The following BFSP2 variants were observed in gnomAD, a reference collection of about 807,000 sequenced individuals.
The protein encoded by BFSP2 is phakinin.
Under a neutral mutation model 44.9 loss-of-function variants are expected in BFSP2, and 38 were observed. The ratio of observed to expected loss-of-function variants is 0.85; its 90% CI spans 0.65 to 1.11. The LOEUF (loss-of-function observed/expected upper bound fraction) is 1.11, where lower values mean the gene tolerates loss of function less well. BFSP2 is among the 50% of genes least tolerant of loss of function. The pLI, the probability that BFSP2 is intolerant of heterozygous loss-of-function variation, is 0.00. For synonymous variants in BFSP2, 197 were observed against 209.9 expected (o/e 0.94, Z 0.53); for missense variants, 525 against 533.0 (o/e 0.99, Z 0.15).
rs186649191 is a variant in BFSP2, at chr3:133,457,886, G to C, written c.891+7422G>C. Among the ~76,000 whole-genome samples, 24 of 152,336 alleles carry C rather than the reference G, an allele frequency of 1.6e-4. No individual in the cohort carries two copies. In the East Asian group the frequency reaches 4.4e-3, roughly 28 times the overall value. On this transcript the variant is annotated intron_variant, in intron 4 of 6. Transcript: ENST00000302334. ...AGATGCCCCAGAATTTGTTTAGCCT[G>C]TTCCCTACTGCTGGGCACTGAGGGT... is the stretch of plus-strand genomic sequence containing the variant.
At chr3:133,425,108 GTC>G (rs2073631747) in intron 1 of BFSP2, among the ~76,000 whole-genome samples, 1 of 152,200 alleles carries the variant, frequency 6.6e-6, no homozygotes, top group African/African-American at 2.4e-5. Flanking sequence ...CTCACCAGCA[GTC>G]TCTCAGTATG....
At chr3:133,418,517 C>A (rs1447603293) in intron 1 of BFSP2, among the ~76,000 whole-genome samples, 3 of 152,174 alleles carry the variant, frequency 2.0e-5, no homozygotes, top group Non-Finnish European at 2.9e-5. Flanking sequence ...GCGCTCATGG[C>A]AGCATCCAGC....
At chr3:133,470,129 ATTAG>A (rs780362268) in intron 5 of BFSP2, among the ~76,000 whole-genome samples, 2 of 152,226 alleles carry the variant, frequency 1.3e-5, no homozygotes, top group Non-Finnish European at 2.9e-5. Context: ...TCCAGATTCT[ATTAG>A]TTAAATAATA....
intron 1 of BFSP2, among the ~76,000 whole-genome samples, chr3:133,403,067 C>T (rs1379157103): frequency 6.6e-6 from 1 of 152,168 alleles, no homozygotes; most frequent in Non-Finnish European, 1.5e-5. Flanking sequence ...TGAATCTGGC[C>T]TCGTGGAGCT....
At chr3:133,420,212 G>C (rs1036840699) in intron 1 of BFSP2, among the ~76,000 whole-genome samples, 94 of 152,312 alleles carry the variant, frequency 6.2e-4, no homozygotes, top group African/African-American at 2.1e-3. Context: ...AGTTGGGAGG[G>C]GCTTGTTATG....
At chr3:133,458,657 C>G (rs956346657) in intron 4 of BFSP2, among the ~76,000 whole-genome samples, 1 of 152,190 alleles carries the variant, frequency 6.6e-6, no homozygotes, top group Non-Finnish European at 1.5e-5. Context: ...GAACACTCCA[C>G]TGCACTCCAG....
intron 1 of BFSP2, among the ~76,000 whole-genome samples, chr3:133,420,804 C>T (rs766485519): frequency 1.3e-5 from 2 of 152,174 alleles, no homozygotes; most frequent in Non-Finnish European, 2.9e-5. Context: ...CCACTCTGTG[C>T]CTCTCACGTG....
intron 4 of BFSP2, among the ~76,000 whole-genome samples, chr3:133,461,479 C>G (rs998198707): frequency 1.3e-5 from 2 of 152,100 alleles, no homozygotes; most frequent in Admixed American, 1.3e-4. Context: ...CATCACACAC[C>G]CTAACAACTG....
intron 1 of BFSP2, among the ~76,000 whole-genome samples, chr3:133,425,839 A>G (rs1311847972): frequency 1.4e-5 from 2 of 138,750 alleles, no homozygotes; most frequent in Non-Finnish European, 3.1e-5. Context: ...GGGAAGGGAA[A>G]TAAAGAAGGG....
intron 4 of BFSP2, among the ~76,000 whole-genome samples, chr3:133,459,214 C>T (rs1232905656): frequency 3.3e-5 from 5 of 152,058 alleles, no homozygotes; most frequent in East Asian, 3.9e-4. Context: ...TGTAGAAGCA[C>T]GCAACTGTAG....
chr3:133,410,701 G>A (rs762104903), intron 1 of BFSP2: 10 of 252,372 alleles, frequency 4.0e-5, no homozygotes, highest in Non-Finnish European at 7.4e-5. Context: ...GAGTCCGTGG[G>A]CGGACAGGAG....
intron 1 of BFSP2, among the ~76,000 whole-genome samples, chr3:133,402,153 TG>T (rs1409305566): frequency 6.6e-6 from 1 of 152,234 alleles, no homozygotes; most frequent in East Asian, 1.9e-4. Context: ...CAGCATCTGC[TG>T]GACAATCGCT....
chr3:133,403,921 T>C (rs937460237), intron 1 of BFSP2, among the ~76,000 whole-genome samples: 6 of 151,994 alleles, frequency 3.9e-5, no homozygotes, highest in Non-Finnish European at 8.8e-5. Context: ...AGTCACATCA[T>C]GGAAAGCAAC....
intron 1 of BFSP2, among the ~76,000 whole-genome samples, chr3:133,401,735 T>C (rs1468802295): frequency 6.6e-6 from 1 of 152,172 alleles, no homozygotes; most frequent in African/African-American, 2.4e-5. Flanking sequence ...GACTGCCAAC[T>C]CAGACCCTTG....
At chr3:133,450,882 C>T (rs2073957286) in intron 4 of BFSP2, among the ~76,000 whole-genome samples, 1 of 152,118 alleles carries the variant, frequency 6.6e-6, no homozygotes, top group African/African-American at 2.4e-5. Context: ...GAGGCCAAGG[C>T]GGGCGGATCA....
chr3:133,417,216 CT>C, intron 1 of BFSP2, among the ~76,000 whole-genome samples: 1 of 143,762 alleles, frequency 7.0e-6, no homozygotes, highest in South Asian at 2.3e-4. Context: ...CGCCTCTCCC[CT>C]CTACTTACCC....
intron 4 of BFSP2, chr3:133,455,488 A>G (rs2074005335): frequency 6.6e-6 from 1 of 152,350 alleles, no homozygotes; most frequent in East Asian, 1.9e-4. Flanking sequence ...GAAAAGCATT[A>G]CCATTTTAAG....
intron 1 of BFSP2, among the ~76,000 whole-genome samples, chr3:133,422,735 G>A (rs2073604089): frequency 2.5e-5 from 2 of 79,192 alleles, no homozygotes; most frequent in Admixed American, 2.6e-4. Flanking sequence ...CATTAATGAA[G>A]CAGCAGTTAT....
chr3:133,403,613 C>T (rs1301743806), intron 1 of BFSP2, among the ~76,000 whole-genome samples: 1 of 152,206 alleles, frequency 6.6e-6, no homozygotes, highest in Non-Finnish European at 1.5e-5. Flanking sequence ...CAGGCTGGAG[C>T]AAGCAGTGGG....
Sources: gnomAD v4.1 joint callset for allele counts (sites outside exome capture counted in the v4.1 genomes callset) on GRCh38, gnomAD v4.1.1 for gene constraint, MANE v1.5 for transcripts, NCBI Gene and HGNC (gene_info 2026-07-23, HGNC 2026-07-21) for gene names.